CHLSN: variants seen among roughly 807,000 people sequenced by gnomAD.
The protein encoded by CHLSN is cholesin.
chr7:1,014,809 G>A, the CHLSN span, among the ~76,000 whole-genome samples: 2 of 148,438 alleles, frequency 1.3e-5, no homozygotes, highest in South Asian at 4.2e-4. Flanking sequence ...CAGCGATCCG[G>A]CCACGGCAGC....
the CHLSN span, among the ~76,000 whole-genome samples, chr7:1,002,063 T>C: frequency 1.0e-5 from 1 of 95,250 alleles, no homozygotes; most frequent in Non-Finnish European, 2.0e-5. Flanking sequence ...GGGTGGGGAG[T>C]CCTGTGGGTG....
the CHLSN span, chr7:1,057,609 CTGGGCCTGGTGG>C: frequency 9.1e-6 from 7 of 770,388 alleles, no homozygotes; most frequent in Non-Finnish European, 1.7e-5. Flanking sequence ...GTTGTCGCTG[CTGGGCCTGGTGG>C]TGGGCGTGCC....
the CHLSN span, among the ~76,000 whole-genome samples, chr7:1,096,334 A>G: frequency 1.3e-5 from 2 of 152,162 alleles, no homozygotes; most frequent in Admixed American, 6.5e-5. The surrounding 1 kb of genome is among the most constrained non-coding windows in gnomAD (Gnocchi z 4.6). Flanking sequence ...ACAGGCACCC[A>G]GCAGCCAAGC....
At chr7:1,000,688 GA>G in the CHLSN span, 8 of 686,600 alleles carry the variant, frequency 1.2e-5, no homozygotes, top group Admixed American at 2.8e-5. Context: ...CTCATGTGAA[GA>G]GGGTTTTTGG....
At chr7:992,737 C>T in the CHLSN span, among the ~76,000 whole-genome samples, 1 of 152,248 alleles carries the variant, frequency 6.6e-6, no homozygotes, top group Non-Finnish European at 1.5e-5. Flanking sequence ...CTTCTTCCCA[C>T]CTTGGATGCT....
the CHLSN span, among the ~76,000 whole-genome samples, chr7:994,227 G>T: frequency 6.6e-6 from 1 of 151,974 alleles, no homozygotes; most frequent in Non-Finnish European, 1.5e-5. Context: ...GCACGATCTC[G>T]GCTCACTGCA....
the CHLSN span, among the ~76,000 whole-genome samples, chr7:1,016,645 ACAG>A: frequency 1.1e-5 from 1 of 87,578 alleles, no homozygotes. Flanking sequence ...ACGCCAGCGC[ACAG>A]CAGCACACAG....
chr7:1,096,123 T>C, the CHLSN span, among the ~76,000 whole-genome samples: 1 of 152,232 alleles, frequency 6.6e-6, no homozygotes, highest in Non-Finnish European at 1.5e-5. This position sits in a 1 kb window ranked among gnomAD's most constrained non-coding sequence, Gnocchi z 4.6. Context: ...GCTTCCATCC[T>C]GCCCGCACCA....
the CHLSN span, chr7:1,058,916 C>G: frequency 5.0e-6 from 1 of 199,450 alleles, no homozygotes; most frequent in Admixed American, 5.3e-5. Flanking sequence ...AGAAAAATGA[C>G]AAATAGTAAA....
chr7:1,081,544 A>G, the CHLSN span, among the ~76,000 whole-genome samples: 3 of 152,234 alleles, frequency 2.0e-5, no homozygotes, highest in South Asian at 6.2e-4. Context: ...CTGTGCTGGC[A>G]TCCGCCACGC....
the CHLSN span, among the ~76,000 whole-genome samples, chr7:1,069,459 G>C: frequency 2.8e-5 from 4 of 141,244 alleles, no homozygotes; most frequent in African/African-American, 1.1e-4. Flanking sequence ...CAACCTCCCT[G>C]CCTGATTCTC....
chr7:1,052,098 G>A, the CHLSN span, among the ~76,000 whole-genome samples: 1 of 152,252 alleles, frequency 6.6e-6, no homozygotes, highest in Non-Finnish European at 1.5e-5. This position sits in a 1 kb window ranked among gnomAD's most constrained non-coding sequence, Gnocchi z 4.2. Context: ...TGAGGCCCAG[G>A]CAGGGCCAGC....
At chr7:1,037,410 A>C in the CHLSN span, among the ~76,000 whole-genome samples, 1 of 125,836 alleles carries the variant, frequency 7.9e-6, no homozygotes. Flanking sequence ...GCGCGCCGCC[A>C]CGCCTGACTG....
the CHLSN span, among the ~76,000 whole-genome samples, chr7:1,136,347 A>AAC: frequency 5.4e-5 from 4 of 73,710 alleles, no homozygotes; most frequent in Non-Finnish European, 7.0e-5. Context: ...TAAACATATA[A>AAC]ATATATATAA....
At chr7:1,054,687 C>T in the CHLSN span, among the ~76,000 whole-genome samples, 141 of 152,322 alleles carry the variant, frequency 9.3e-4, 1 homozygote, top group African/African-American at 3.2e-3. Flanking sequence ...AGGGGTGCGG[C>T]GGGCAAGAGG....
the CHLSN span, among the ~76,000 whole-genome samples, chr7:1,035,147 TTGTGAC>T: frequency 2.0e-5 from 3 of 151,960 alleles, no homozygotes; most frequent in Non-Finnish European, 4.4e-5. Context: ...TGTCATGTCT[TTGTGAC>T]TGTGAACAGT....
the CHLSN span, among the ~76,000 whole-genome samples, chr7:1,018,022 C>T: frequency 3.9e-5 from 6 of 152,208 alleles, no homozygotes; most frequent in Non-Finnish European, 8.8e-5. Context: ...AATAATGACC[C>T]AAAGTCCCCA....
chr7:1,038,579 G>A, the CHLSN span, among the ~76,000 whole-genome samples: 30 of 101,736 alleles, frequency 2.9e-4, no homozygotes, highest in African/African-American at 1.1e-3. Flanking sequence ...GGAGGTGAGG[G>A]GCGCCTCTGC....
chr7:1,051,616 G>A, the CHLSN span, among the ~76,000 whole-genome samples: 12 of 152,330 alleles, frequency 7.9e-5, no homozygotes, highest in East Asian at 1.7e-3. Flanking sequence ...CATGTCAGCC[G>A]CCACTGGATT....
Sources: allele counts gnomAD v4.1 joint callset (sites outside exome capture counted in the v4.1 genomes callset), GRCh38; gene constraint gnomAD v4.1.1; non-coding constraint Gnocchi (gnomAD v3.1); transcripts MANE v1.5; gene names NCBI Gene and HGNC (gene_info 2026-07-23, HGNC 2026-07-21).